The following ARHGEF28 variants were observed in gnomAD, a reference collection of about 807,000 sequenced individuals.
ARHGEF28 encodes the protein 190 kDa guanine nucleotide exchange factor.
ARHGEF28 carries 152 observed loss-of-function variants against 206.6 expected under a neutral mutation model. That is an observed-to-expected ratio of 0.74 (90% CI 0.64 to 0.84). The LOEUF is 0.84. Ranked by LOEUF, ARHGEF28 falls within the 40% of genes least tolerant of loss-of-function variation. The pLI is 0.00. For synonymous variants in ARHGEF28, 763 were observed against 776.4 expected (o/e 0.98, Z 0.29); for missense variants, 2,028 against 2,073.2 (o/e 0.98, Z 0.42).
intron 9 of ARHGEF28, among the ~76,000 whole-genome samples, chr5:73,814,115 T>A (rs1756030366): frequency 1.3e-5 from 2 of 152,224 alleles, no homozygotes; most frequent in Middle Eastern, 3.4e-3. Context: ...TATAGTAATT[T>A]AAAAAAATTT....
At chr5:73,897,930 T>C (rs1187508484) in intron 29 of ARHGEF28, 32 bp from the exon 30 acceptor site, 1 of 1,545,394 alleles carries the variant, frequency 6.5e-7, no homozygotes, top group South Asian at 1.2e-5. Context: ...ATCTTTGTTT[T>C]TTAGATTTAT....
At chr5:73,898,898 A>C (rs892931244) in intron 30 of ARHGEF28, 3 of 152,228 alleles carry the variant, frequency 2.0e-5, no homozygotes, top group Non-Finnish European at 2.9e-5. Context: ...TTATGTGCGT[A>C]AGATAAAATG....
intron 35 of ARHGEF28, chr5:73,923,242 G>A: frequency 2.2e-6 from 3 of 1,344,284 alleles, no homozygotes; most frequent in African/African-American, 1.5e-5. Context: ...TTTTTAAAAT[G>A]TTTTGGTTTA....
At chr5:73,785,752 C>G (rs150311736) in intron 7 of ARHGEF28, among the ~76,000 whole-genome samples, 1 of 152,278 alleles carries the variant, frequency 6.6e-6, no homozygotes, top group Non-Finnish European at 1.5e-5. Context: ...TTGTTGGCTT[C>G]TCCCCATAAA....
chr5:73,704,587 G>A (rs1748817392), intron 2 of ARHGEF28, among the ~76,000 whole-genome samples: 1 of 151,846 alleles, frequency 6.6e-6, no homozygotes, highest in African/African-American at 2.4e-5. Flanking sequence ...ACCACACCTG[G>A]CTAATTTTTG....
intron 2 of ARHGEF28, among the ~76,000 whole-genome samples, chr5:73,710,640 TA>T (rs958623766): frequency 6.6e-6 from 1 of 152,186 alleles, no homozygotes; most frequent in African/African-American, 2.4e-5. Flanking sequence ...TGCAGAGTTT[TA>T]AAAAAATGTT....
At chr5:73,796,290 A>G (rs1754801358) in intron 9 of ARHGEF28, among the ~76,000 whole-genome samples, 1 of 152,230 alleles carries the variant, frequency 6.6e-6, no homozygotes, top group Non-Finnish European at 1.5e-5. Context: ...AAGCTGAGGC[A>G]TCTCACACAC....
At chr5:73,715,896 G>A (rs1749551930) in intron 2 of ARHGEF28, among the ~76,000 whole-genome samples, 1 of 152,218 alleles carries the variant, frequency 6.6e-6, no homozygotes, top group Non-Finnish European at 1.5e-5. Flanking sequence ...GCCTACAACT[G>A]AGAGGTGACA....
At chr5:73,718,164 A>G (rs1749703838) in intron 2 of ARHGEF28, among the ~76,000 whole-genome samples, 1 of 152,082 alleles carries the variant, frequency 6.6e-6, no homozygotes, top group Non-Finnish European at 1.5e-5. Context: ...GAGCCACCAC[A>G]CTGGGCCAAA....
intron 2 of ARHGEF28, among the ~76,000 whole-genome samples, chr5:73,708,435 A>C (rs1169840070): frequency 1.3e-5 from 2 of 152,054 alleles, no homozygotes; most frequent in African/African-American, 4.8e-5. Context: ...GCTCCCACTT[A>C]TACTTGGGGA....
chr5:73,905,808 AT>A (rs1407466745), intron 33 of ARHGEF28, among the ~76,000 whole-genome samples: 1 of 152,176 alleles, frequency 6.6e-6, no homozygotes, highest in Non-Finnish European at 1.5e-5. Context: ...GAGAAGAATT[AT>A]TTTGTTTAGG....
intron 9 of ARHGEF28, among the ~76,000 whole-genome samples, chr5:73,802,459 G>A (rs1028790059): frequency 6.6e-6 from 1 of 152,048 alleles, no homozygotes; most frequent in African/African-American, 2.4e-5. Context: ...GTGTAACAAG[G>A]GAGGGAAAAA....
intron 9 of ARHGEF28, among the ~76,000 whole-genome samples, chr5:73,810,775 G>GC (rs1289267846): frequency 6.6e-6 from 1 of 152,126 alleles, no homozygotes; most frequent in Non-Finnish European, 1.5e-5. Context: ...GAGAAATTCT[G>GC]CCCCCGATTC....
In ARHGEF28 at chr5:73,897,926, GT is replaced by G. The variant is rs1202262257; in HGVS notation, c.3842-30del. ...CTAGATTAAATATATACCTATCTTTGTTTTTTAGATTTATTTTTGTTTTTCT... is the reference window on the plus strand; with the variant it reads ...CTAGATTAAATATATACCTATCTTTGTTTTTAGATTTATTTTTGTTTTTCT... On this transcript the variant is annotated intron_variant, in intron 29 of 35. Coordinates refer to ENST00000513042, the MANE Select transcript of ARHGEF28 (RefSeq NM_001177693.2). The G allele has an allele frequency of 7.1e-6, 11 of 1,543,738 alleles. No homozygotes were observed. In the East Asian group the frequency reaches 2.7e-4, roughly 38 times the overall value.
intron 3 of ARHGEF28, among the ~76,000 whole-genome samples, chr5:73,751,745 TC>T (rs1482020165): frequency 2.0e-5 from 3 of 152,152 alleles, no homozygotes; most frequent in Admixed American, 6.5e-5. Flanking sequence ...TTTAACAGAA[TC>T]TAGAGGCAGG....
intron 1 of ARHGEF28, among the ~76,000 whole-genome samples, chr5:73,684,630 A>G (rs540391167): frequency 1.3e-5 from 2 of 152,120 alleles, no homozygotes; most frequent in Non-Finnish European, 2.9e-5. Context: ...TCTACGTGTA[A>G]TATTTTGAGG....
Position 73,762,317 on chromosome 5 carries a change from G to A in ARHGEF28, c.475+9115G>A, listed in dbSNP as rs111962544. ...CTAAAAATACAAAAATTAGCCAGGC[G>A]TGGTGGTGCATGCCTGTAATCCCAG... On this transcript the variant is annotated intron_variant, in intron 4 of 35. Transcript: ENST00000513042. 7.5e-4 allele frequency among the ~76,000 whole-genome samples: 114 copies of A among 151,794 alleles called. 2 individuals carry two copies. The highest frequency in any genetic ancestry group is 2.5e-3 in the African/African-American group (102 of 41,448).
Position 73,868,244 on chromosome 5 carries a change from CT to C in ARHGEF28, c.2425+19del. On this transcript the variant is annotated intron_variant, in intron 20 of 35. Coordinates refer to ENST00000513042, the MANE Select transcript of ARHGEF28 (RefSeq NM_001177693.2). Reference sequence around the variant, plus strand: ...TAATGGAAGGTGAGGAGAAGACACACTTCCATTTATTTGTGTTTTTGTTAGC... The same window carrying C: ...TAATGGAAGGTGAGGAGAAGACACACTCCATTTATTTGTGTTTTTGTTAGC... 1 of 1,549,822 alleles carries C rather than the reference CT, an allele frequency of 6.5e-7. No individual in the cohort carries two copies. Among genetic ancestry groups the C allele is most frequent in the Non-Finnish European group, 8.7e-7 (1 of 1,144,002 alleles).
chr5:73,860,368 C>T (rs1330317338), intron 16 of ARHGEF28, among the ~76,000 whole-genome samples: 1 of 152,102 alleles, frequency 6.6e-6, no homozygotes, highest in Non-Finnish European at 1.5e-5. Context: ...CAGGTATAAA[C>T]TAAGACTGTG....
Sources: gnomAD v4.1 joint callset for allele counts (sites outside exome capture counted in the v4.1 genomes callset) on GRCh38, gnomAD v4.1.1 for gene constraint, MANE v1.5 for transcripts, NCBI Gene and HGNC (gene_info 2026-07-23, HGNC 2026-07-21) for gene names.